Variants in CNGB1 observed in about 807,000 individuals in gnomAD.
CNGB1 encodes the protein cyclic nucleotide-gated channel beta-1.
A neutral mutation model predicts 151.7 loss-of-function variants in CNGB1; 126 were observed. The ratio of observed to expected loss-of-function variants is 0.83; its 90% CI spans 0.72 to 0.96. The LOEUF is 0.96. Ranked by LOEUF, CNGB1 falls within the 40% of genes least tolerant of loss-of-function variation. The pLI is 0.00. For synonymous variants in CNGB1, 623 were observed against 635.1 expected (o/e 0.98, Z 0.29); for missense variants, 1,698 against 1,627.0 (o/e 1.04, Z -0.75).
chr16:57,892,218 A>T (rs1960110967), intron 31 of CNGB1, among the ~76,000 whole-genome samples: 1 of 152,178 alleles, frequency 6.6e-6, no homozygotes, highest in Non-Finnish European at 1.5e-5. Context: ...TGCTCTGGGC[A>T]TGTCCTTGAA....
At chr16:57,917,629 C>T (rs201719247) in intron 20 of CNGB1, among the ~76,000 whole-genome samples, 153 bp from the exon 21 acceptor site, 2,078 of 74,466 alleles carry the variant, frequency 0.028, 35 homozygotes, top group East Asian at 0.089. Context: ...TGTATATATA[C>T]ACACACACAC....
intron 6 of CNGB1, 29 bp from the exon 7 acceptor site, chr16:57,962,639 G>A (rs776222336): frequency 9.3e-6 from 15 of 1,612,548 alleles, no homozygotes; most frequent in Non-Finnish European, 1.2e-5. Context: ...CAGAAAGGCA[G>A]TCAGCAGCGG....
In CNGB1 at chr16:57,904,740, G is replaced by A. The variant is rs1209021925; in HGVS notation, c.2628C>T (p.Ile876=). Residue 876 remains isoleucine (I), a synonymous_variant, in exon 26 of 33, where the codon ATC becomes ATT. Transcript: ENST00000251102. ...TGGGCTGGTGCCCCGATACCTGTCC[G>A]ATCATCACAGAGAAAGCAAAGACGC... is the stretch of plus-strand genomic sequence containing the variant. ...FTGVFAFSVM[I]GQMRDVVGAA... The A allele has an allele frequency of 1.2e-5, 19 of 1,613,988 alleles. No individual in the cohort carries two copies. The highest frequency in any genetic ancestry group is 3.3e-5 in the Admixed American group (2 of 59,996).
chr16:57,942,705 A>T (rs1193255332), intron 14 of CNGB1, among the ~76,000 whole-genome samples: 1 of 151,896 alleles, frequency 6.6e-6, no homozygotes, highest in African/African-American at 2.4e-5. Context: ...ACTCTATAAG[A>T]TACAAAAACT....
Position 57,897,450 on chromosome 16 carries a change from A to G in CNGB1, c.3189T>C (p.Asn1063=). Residue 1063 remains asparagine (N), a synonymous_variant, in exon 31 of 33, where the codon AAT becomes AAC. Coordinates refer to ENST00000251102, the MANE Select transcript of CNGB1 (RefSeq NM_001297.5). ...ACTCAGGATAATGCACCAAAATCTC[A>G]TTCAGGTCCTTCTTATCCAGGATGA... is the stretch of plus-strand genomic sequence containing the variant. ...NLFILDKKDL[N]EILVHYPESQ... is the part of the protein sequence containing the mutation. 1 of 1,606,774 alleles carries G rather than the reference A, an allele frequency of 6.2e-7. No individual in the cohort carries two copies. The highest frequency in any genetic ancestry group is 1.1e-5 in the South Asian group (1 of 90,898).
intron 31 of CNGB1, among the ~76,000 whole-genome samples, chr16:57,888,396 TCTCTCTCCTCTCTCTTCTGTCTTCTCTC>T (rs1959995101): frequency 6.6e-6 from 1 of 152,056 alleles, no homozygotes; most frequent in Admixed American, 6.5e-5. Flanking sequence ...TCTGTCTCTC[TCTCTCTCCTCTCTCTTCTGTCTTCTCTC>T]CTCTCTCCTC....
chr16:57,889,298 T>C (rs186244027), intron 31 of CNGB1, among the ~76,000 whole-genome samples: 1 of 152,322 alleles, frequency 6.6e-6, no homozygotes, highest in East Asian at 1.9e-4. Context: ...CCACAGTGCC[T>C]GGCCTCCCTT....
chr16:57,959,166 G>A (rs1160613754), intron 10 of CNGB1, among the ~76,000 whole-genome samples: 1 of 152,100 alleles, frequency 6.6e-6, no homozygotes, highest in Non-Finnish European at 1.5e-5. Flanking sequence ...GTTATTGACT[G>A]TGGCAAAAGA....
intron 20 of CNGB1, 151 bp from the exon 21 acceptor site, chr16:57,917,627 T>A: frequency 1.8e-6 from 1 of 566,074 alleles, no homozygotes; most frequent in East Asian, 3.3e-5. Flanking sequence ...TGTGTATATA[T>A]ACACACACAC....
At chr16:57,922,388 A>G (rs1334064528) in intron 18 of CNGB1, among the ~76,000 whole-genome samples, 1 of 151,116 alleles carries the variant, frequency 6.6e-6, no homozygotes, top group East Asian at 1.9e-4. Flanking sequence ...CCCAGGTCCC[A>G]ATGCCATCAC....
chr16:57,931,541 G>T lies in CNGB1; in HGVS notation c.1535+175C>A, dbSNP rs3815950. 1.0e-3 allele frequency among the ~76,000 whole-genome samples: 155 copies of T among 152,258 alleles called. 2 individuals are homozygous for T. In the East Asian group the frequency reaches 0.018, roughly 18 times the overall value. ...GCCTCCCATGAGAGCTTTTATAAGAGACCTAATTCAGGAGTTAGGAAAACG... is the reference window on the plus strand; with the variant it reads ...GCCTCCCATGAGAGCTTTTATAAGATACCTAATTCAGGAGTTAGGAAAACG... On this transcript the variant is annotated intron_variant, in intron 17 of 32. Coordinates refer to ENST00000251102, the MANE Select transcript of CNGB1 (RefSeq NM_001297.5).
chr16:57,904,695 A>G, intron 26 of CNGB1, 39 bp downstream of exon 26: 2 of 1,613,444 alleles, frequency 1.2e-6, no homozygotes, highest in Non-Finnish European at 1.7e-6. Context: ...GGGGCCCTGC[A>G]GTCAGGTGGG....
intron 10 of CNGB1, 123 bp downstream of exon 10, chr16:57,959,765 G>A (rs995669163): frequency 1.9e-4 from 226 of 1,221,322 alleles, no homozygotes; most frequent in Admixed American, 1.3e-4. Context: ...TGGCTGCCTT[G>A]GGAAGGAGGC....
At chr16:57,905,922 T>A (rs1261988711) in intron 25 of CNGB1, among the ~76,000 whole-genome samples, 3 of 152,256 alleles carry the variant, frequency 2.0e-5, no homozygotes, top group African/African-American at 7.2e-5. Context: ...GTCTCATGTA[T>A]TTTACTACAG....
rs1333229350 is a variant in CNGB1, at chr16:57,904,069, A to G, written c.2635-88T>C. 4 of 1,263,654 alleles carry G rather than the reference A, an allele frequency of 3.2e-6. No homozygotes were observed. In the African/African-American group the frequency reaches 4.4e-5, roughly 14 times the overall value. The allele number at this position is 1,263,654 out of a possible 1,614,324, so 78.3% of individuals were successfully genotyped here. A position where few individuals can be genotyped will look rare whatever the true frequency, so the allele number is the denominator to read the frequency against. ...ATGGATTTGGGATGTGTCACTTCAC[A>G]CAGACCACGGGCATGTGCTCCTGGC... On this transcript the variant is annotated intron_variant, in intron 26 of 32. Transcript: ENST00000251102.
At chr16:57,912,472 C>T (rs1190384670) in intron 24 of CNGB1, among the ~76,000 whole-genome samples, 1 of 152,124 alleles carries the variant, frequency 6.6e-6, no homozygotes, top group Admixed American at 6.5e-5. Flanking sequence ...AAAGAGGAGG[C>T]GGGACCAGGA....
chr16:57,905,679 T>A (rs185209712), intron 25 of CNGB1, among the ~76,000 whole-genome samples: 31 of 152,378 alleles, frequency 2.0e-4, no homozygotes, highest in Non-Finnish European at 4.3e-4. Context: ...TTTGCCCTCA[T>A]GAATAGATTA....
rs1156832374 is a variant in CNGB1, at chr16:57,883,904, T to C, written c.*260A>G. 7 of 587,790 alleles carry C rather than the reference T, an allele frequency of 1.2e-5. No individual in the cohort carries two copies. Among genetic ancestry groups the C allele is most frequent in the East Asian group, 2.9e-5 (1 of 34,918 alleles). 36.4% of individuals were successfully genotyped at this position (587,790 alleles called of 1,614,324 possible). On this transcript the variant is annotated 3_prime_UTR_variant, in exon 33 of 33. Transcript: ENST00000251102. ...AAAAAGAGGAACAGTCAGGAAAAGG[T>C]AGGGCTCTCAAATGATAGTGAGAGC... is the stretch of plus-strand genomic sequence containing the variant.
chr16:57,912,898 G>T (rs1322871528), intron 24 of CNGB1, 32 bp downstream of exon 24: 2 of 1,597,362 alleles, frequency 1.3e-6, no homozygotes, highest in Non-Finnish European at 1.7e-6. Flanking sequence ...TCATGTGTGT[G>T]TGCATGCATG....
Sources: allele counts gnomAD v4.1 joint callset (sites outside exome capture counted in the v4.1 genomes callset), GRCh38; gene constraint gnomAD v4.1.1; transcripts MANE v1.5; gene names NCBI Gene and HGNC (gene_info 2026-07-23, HGNC 2026-07-21).